Variants in ZC3H3 observed in about 807,000 individuals in gnomAD.
ZC3H3 encodes the protein zinc finger CCCH domain-containing protein 3.
A neutral mutation model predicts 77.3 loss-of-function variants in ZC3H3; 36 were observed. The ratio of observed to expected loss-of-function variants is 0.47; its 90% CI spans 0.36 to 0.61. ZC3H3 has a LOEUF of 0.61. Ranked by LOEUF, ZC3H3 falls within the 20% of genes least tolerant of loss-of-function variation. The pLI is 0.00. For synonymous variants in ZC3H3, 626 were observed against 555.2 expected (o/e 1.13, Z -1.79); for missense variants, 1,331 against 1,312.2 (o/e 1.01, Z -0.22).
chr8:143,534,706 C>G (rs1384300711), intron 3 of ZC3H3, among the ~76,000 whole-genome samples: 18 of 152,212 alleles, frequency 1.2e-4, no homozygotes, highest in Admixed American at 1.2e-3. Context: ...CTACCATCCA[C>G]TCCCAGATAA....
At chr8:143,464,261 C>T (rs1355588511) in intron 9 of ZC3H3, among the ~76,000 whole-genome samples, 2 of 152,270 alleles carry the variant, frequency 1.3e-5, no homozygotes, top group East Asian at 3.8e-4. Flanking sequence ...CTAAATATCA[C>T]TTTGATATTT....
intron 4 of ZC3H3, among the ~76,000 whole-genome samples, chr8:143,476,147 G>A (rs923216270): frequency 9.2e-5 from 14 of 152,166 alleles, no homozygotes; most frequent in South Asian, 2.1e-4. Context: ...CACCCTGGCC[G>A]TCAGGACCAC....
chr8:143,490,907 AAAAT>A (rs138132413), intron 4 of ZC3H3, among the ~76,000 whole-genome samples: 28,857 of 152,154 alleles, frequency 0.19, 3,245 homozygotes, highest in Middle Eastern at 0.3. Context: ...ACTCCGTCTC[AAAAT>A]AAATAAACAA....
chr8:143,517,988 C>T (rs946955123), intron 3 of ZC3H3, among the ~76,000 whole-genome samples: 2 of 152,204 alleles, frequency 1.3e-5, no homozygotes, highest in Admixed American at 6.5e-5. Flanking sequence ...AGCCCCGAGG[C>T]CCTGGCCACC....
At chr8:143,486,055 C>T (rs1477809014) in intron 4 of ZC3H3, among the ~76,000 whole-genome samples, 2 of 152,258 alleles carry the variant, frequency 1.3e-5, no homozygotes, top group Admixed American at 6.5e-5. Context: ...GAGGCAGCAA[C>T]TCCACACAAA....
intron 3 of ZC3H3, among the ~76,000 whole-genome samples, chr8:143,515,277 A>T (rs1161340434): frequency 6.6e-6 from 1 of 152,144 alleles, no homozygotes; most frequent in Non-Finnish European, 1.5e-5. Flanking sequence ...TGTGGCGCAT[A>T]CGCACTCCCC....
Position 143,530,055 on chromosome 8 carries a change from G to A in ZC3H3, c.1561+6202C>T, listed in dbSNP as rs550294322. Among the ~76,000 whole-genome samples the A allele has an allele frequency of 7.9e-5, 12 of 152,286 alleles. No homozygotes were observed. The highest frequency in any genetic ancestry group is 1.9e-4 in the East Asian group (1 of 5,176). ...GGGCGGGCACGGCAGACTGAGGGAC[G>A]GGTAGGAATCGCCCTCCGTGTGTAC... On this transcript the variant is annotated intron_variant, in intron 3 of 11. Transcript: ENST00000262577. This position sits in a 1 kb window ranked among gnomAD's most constrained non-coding sequence, Gnocchi z 4.3.
At chr8:143,515,443 C>G (rs1023252035) in intron 3 of ZC3H3, among the ~76,000 whole-genome samples, 1 of 152,270 alleles carries the variant, frequency 6.6e-6, no homozygotes, top group Non-Finnish European at 1.5e-5. Flanking sequence ...CACTGGCAGG[C>G]TGTGGGGACC....
rs1438129659 is a variant in ZC3H3 at position 143,511,822 on chromosome 8, T to A, written c.1562-3923A>T. Among the ~76,000 whole-genome samples the A allele has an allele frequency of 4.6e-5, 7 of 152,290 alleles. No individual in the cohort carries two copies. The East Asian group carries it at 1.4e-3, about 29-fold the overall frequency. ...GGGCCCAGCGCAAAGACAGCAAAAC[T>A]GTCACTGCTGGGCTGCCAGCCCGAG... On this transcript the variant is annotated intron_variant, in intron 3 of 11. Coordinates refer to ENST00000262577, the MANE Select transcript of ZC3H3 (RefSeq NM_015117.3).
intron 3 of ZC3H3, among the ~76,000 whole-genome samples, chr8:143,522,744 C>A (rs916733156): frequency 6.6e-6 from 1 of 152,136 alleles, no homozygotes; most frequent in Non-Finnish European, 1.5e-5. Flanking sequence ...CATGGTGAGA[C>A]CCTGTCTCTA....
At chr8:143,534,350 T>C (rs1822722045) in intron 3 of ZC3H3, among the ~76,000 whole-genome samples, 2 of 139,416 alleles carry the variant, frequency 1.4e-5, no homozygotes, top group African/African-American at 5.4e-5. Context: ...CAGCAGCCCC[T>C]CAGCTGTGCA....
chr8:143,464,514 G>C (rs1422780896), intron 9 of ZC3H3, among the ~76,000 whole-genome samples: 1 of 152,318 alleles, frequency 6.6e-6, no homozygotes, highest in African/African-American at 2.4e-5. Context: ...GCTTGGGAAG[G>C]GCCCGGCCCA....
intron 3 of ZC3H3, among the ~76,000 whole-genome samples, chr8:143,508,189 G>A (rs1292859635): frequency 2.6e-5 from 4 of 152,370 alleles, no homozygotes; most frequent in African/African-American, 7.2e-5. Context: ...AGGAAAACCA[G>A]GAGAAGCCAG....
chr8:143,516,991 T>A (rs372878798), intron 3 of ZC3H3, among the ~76,000 whole-genome samples: 1 of 152,214 alleles, frequency 6.6e-6, no homozygotes, highest in Admixed American at 6.5e-5. Flanking sequence ...GTGCTCTCTG[T>A]TGTTCCACAC....
At chr8:143,452,709 C>T (rs542766942) in intron 9 of ZC3H3, among the ~76,000 whole-genome samples, 61 of 152,120 alleles carry the variant, frequency 4.0e-4, no homozygotes, top group African/African-American at 1.4e-3. Context: ...CAGTGTGTGG[C>T]ACAACAGCTG....
intron 4 of ZC3H3, among the ~76,000 whole-genome samples, chr8:143,477,658 G>A (rs1820773801): frequency 2.6e-5 from 4 of 152,186 alleles, no homozygotes; most frequent in African/African-American, 9.7e-5. Flanking sequence ...CAGCCTGGGG[G>A]GCTCAGAGGC....
intron 4 of ZC3H3, among the ~76,000 whole-genome samples, chr8:143,479,603 T>C (rs972722006): frequency 1.3e-5 from 2 of 152,234 alleles, no homozygotes; most frequent in African/African-American, 4.8e-5. Flanking sequence ...GTCTTCTTTC[T>C]CGCCTTTGTA....
At position 143,479,963 on chromosome 8, in the gene ZC3H3, G is replaced by A. The variant is rs544113796; in HGVS notation, c.1716-4378C>T. Among the ~76,000 whole-genome samples the A allele has an allele frequency of 9.2e-5, 14 of 152,358 alleles. 1 individual carries two copies. The South Asian group carries it at 2.7e-3, about 29-fold the overall frequency. ...TTGCAGGCCAGAGGCTGCCCGGGCTGGCGAGGGGCACCACAGGTGCCCAGA... is the reference window on the plus strand; with the variant it reads ...TTGCAGGCCAGAGGCTGCCCGGGCTAGCGAGGGGCACCACAGGTGCCCAGA... On this transcript the variant is annotated intron_variant, in intron 4 of 11. Coordinates refer to ENST00000262577, the MANE Select transcript of ZC3H3 (RefSeq NM_015117.3).
At chr8:143,475,650 G>A in intron 4 of ZC3H3, 65 bp from the exon 5 acceptor site, 2 of 1,480,196 alleles carry the variant, frequency 1.4e-6, no homozygotes, top group Non-Finnish European at 1.8e-6. Flanking sequence ...GATGGTCAGT[G>A]CCAGGGGCCG....
Sources: gnomAD v4.1 joint callset for allele counts (sites outside exome capture counted in the v4.1 genomes callset) on GRCh38, gnomAD v4.1.1 for gene constraint, Gnocchi (gnomAD v3.1) non-coding constraint, MANE v1.5 for transcripts, NCBI Gene and HGNC (gene_info 2026-07-23, HGNC 2026-07-21) for gene names.